ANK3: variants seen among roughly 807,000 people sequenced by gnomAD.
ANK3 encodes the protein ankyrin 3, also known as ankyrin-3.
In ANK3, 57 loss-of-function variants were observed where a neutral mutation model predicts 370.9. The ratio of observed to expected loss-of-function variants is 0.15; its 90% CI spans 0.12 to 0.19. The LOEUF (loss-of-function observed/expected upper bound fraction) is 0.19. Ranked by LOEUF, ANK3 falls within the 10% of genes least tolerant of loss-of-function variation. ANK3 has a pLI of 1.00. For synonymous variants in ANK3, 1,929 were observed against 1,946.3 expected (o/e 0.99, Z 0.23); for missense variants, 4,439 against 5,302.1 (o/e 0.84, Z 5.06).
intron 23 of ANK3, among the ~76,000 whole-genome samples, chr10:60,147,094 G>A (rs1399707398): frequency 2.6e-5 from 4 of 152,170 alleles, no homozygotes; most frequent in African/African-American, 9.7e-5. Context: ...GGTTTCCTGT[G>A]AATATTCTGA....
chr10:60,440,911 A>G (rs2064284485), intron 2 of ANK3, among the ~76,000 whole-genome samples: 1 of 152,182 alleles, frequency 6.6e-6, no homozygotes, highest in Admixed American at 6.5e-5. Flanking sequence ...ATGGAAAACT[A>G]AAAAAGGGTA....
At chr10:60,446,437 T>C (rs2133025776) in intron 2 of ANK3, among the ~76,000 whole-genome samples, 1 of 152,316 alleles carries the variant, frequency 6.6e-6, no homozygotes, top group South Asian at 2.1e-4. Flanking sequence ...CCCTTCCTCT[T>C]CATCTTTTTA....
In ANK3 at chr10:60,199,375, A is replaced by G. The variant is rs1220077767; in HGVS notation, c.1491+754T>C. Among the ~76,000 whole-genome samples the G allele has an allele frequency of 3.3e-5, 5 of 152,190 alleles. No individual in the cohort carries two copies. The East Asian group carries it at 9.6e-4, about 29-fold the overall frequency. On this transcript the variant is annotated intron_variant, in intron 13 of 43. Transcript: ENST00000280772. ...GGTCAATGTCAAAGTAAGAGGGGCT[A>G]TCTAACCAGTAGGAAGCATGAGGAG...
Position 60,240,301 on chromosome 10 carries a change from TATA to T in ANK3, c.799-5518_799-5516del, listed in dbSNP as rs1366602521. Among the ~76,000 whole-genome samples the T allele has an allele frequency of 2.2e-3, 221 of 99,580 alleles. 6 individuals are homozygous for T. The highest frequency in any genetic ancestry group is 5.7e-3 in the African/African-American group (161 of 28,010). The allele number at this position is 99,580 out of a possible 152,430, so 65.3% of individuals were successfully genotyped here. On this transcript the variant is annotated intron_variant, in intron 7 of 43. Coordinates refer to ENST00000280772, the MANE Select transcript of ANK3 (RefSeq NM_020987.5). Reference sequence around the variant, plus strand: ...ACACACATATATATATATATATATATATATATTTTTTTTTCTTTTTGAGATAGA... The same window carrying T: ...ACACACATATATATATATATATATATTATTTTTTTTTCTTTTTGAGATAGA...
At chr10:60,084,580 C>T (rs1447256011) in intron 32 of ANK3, 22 bp downstream of exon 32, 1 of 1,597,282 alleles carries the variant, frequency 6.3e-7, no homozygotes, top group Non-Finnish European at 8.6e-7. Context: ...ATGAAATGAA[C>T]TTGTTTTTGT....
intron 1 of ANK3, among the ~76,000 whole-genome samples, chr10:60,699,900 T>C (rs1175259624): frequency 1.3e-5 from 2 of 152,160 alleles, no homozygotes; most frequent in Non-Finnish European, 2.9e-5. Context: ...TTTAAATTCG[T>C]GATACAAATG....
chr10:60,362,745 T>C (rs1012344044), intron 1 of ANK3, among the ~76,000 whole-genome samples: 2 of 152,064 alleles, frequency 1.3e-5, no homozygotes, highest in Admixed American at 6.5e-5. Flanking sequence ...ATTGATTCAT[T>C]TCTTAGCAAA....
intron 18 of ANK3, among the ~76,000 whole-genome samples, chr10:60,177,640 C>T (rs1173959943): frequency 7.9e-6 from 1 of 127,202 alleles, no homozygotes; most frequent in Non-Finnish European, 1.6e-5. Flanking sequence ...CTCTGTCGCC[C>T]AGGCTGGAGT....
intron 7 of ANK3, among the ~76,000 whole-genome samples, chr10:60,252,531 C>T (rs1014068419): frequency 5.9e-5 from 9 of 152,132 alleles, no homozygotes; most frequent in African/African-American, 1.4e-4. Context: ...GGATTTTTTT[C>T]GGGTCATTTA....
intron 1 of ANK3, among the ~76,000 whole-genome samples, chr10:60,643,279 G>T (rs1371175317): frequency 6.6e-6 from 1 of 152,148 alleles, no homozygotes; most frequent in East Asian, 1.9e-4. Flanking sequence ...CTAATCAGCT[G>T]CCAGCACAGC....
At chr10:60,424,287 C>A (rs890973823) in intron 2 of ANK3, among the ~76,000 whole-genome samples, 1 of 151,934 alleles carries the variant, frequency 6.6e-6, no homozygotes, top group Non-Finnish European at 1.5e-5. Flanking sequence ...TCTCATTATA[C>A]TGAGAGTCTA....
intron 1 of ANK3, among the ~76,000 whole-genome samples, chr10:60,625,101 C>T (rs762214660): frequency 7.9e-5 from 12 of 152,060 alleles, no homozygotes; most frequent in African/African-American, 2.7e-4. Flanking sequence ...AGAGGACTGG[C>T]GGGCCCTGCT....
intron 1 of ANK3, among the ~76,000 whole-genome samples, chr10:60,713,260 C>G (rs1299714453): frequency 6.6e-6 from 1 of 152,090 alleles, no homozygotes; most frequent in East Asian, 1.9e-4. Flanking sequence ...AAAGTATGCT[C>G]TCACACCACA....
chr10:60,552,246 G>C (rs1041799423), intron 2 of ANK3, among the ~76,000 whole-genome samples: 2 of 152,158 alleles, frequency 1.3e-5, no homozygotes, highest in African/African-American at 4.8e-5. Context: ...TCTACAATTA[G>C]AAATAGGAGT....
Position 60,118,796 on chromosome 10 carries a change from AAATT to A in ANK3, c.2842-4469_2842-4466del, listed in dbSNP as rs538441434. On this transcript the variant is annotated intron_variant, in intron 25 of 43. Coordinates refer to ENST00000280772, the MANE Select transcript of ANK3 (RefSeq NM_020987.5). ...ATCATTCCTCTTTGGTAATTACAGTAAATTATTTACCTTTGGTACTCTTAGAAAC... is the reference window on the plus strand; with the variant it reads ...ATCATTCCTCTTTGGTAATTACAGTAATTTACCTTTGGTACTCTTAGAAAC... 2.7e-3 allele frequency among the ~76,000 whole-genome samples: 409 copies of A among 152,342 alleles called. 2 individuals are homozygous for A. Among genetic ancestry groups the A allele is most frequent in the African/African-American group, 9.4e-3 (392 of 41,580 alleles).
chr10:60,312,344 C>T (rs117579984), intron 1 of ANK3, among the ~76,000 whole-genome samples: 2,684 of 152,310 alleles, frequency 0.018, 38 homozygotes, highest in Non-Finnish European at 0.028. Context: ...TGGATGGTGA[C>T]TGGCACAGGG....
At chr10:60,445,679 A>C (rs1329983826) in intron 2 of ANK3, among the ~76,000 whole-genome samples, 1 of 152,204 alleles carries the variant, frequency 6.6e-6, no homozygotes, top group African/African-American at 2.4e-5. Context: ...AACAGTTTTA[A>C]ACAAGAATTT....
intron 2 of ANK3, chr10:60,507,774 T>C (rs1243218677): frequency 6.6e-6 from 1 of 152,024 alleles, no homozygotes; most frequent in Non-Finnish European, 1.5e-5. Context: ...ATTAAAAGGA[T>C]TTAGCTATAA....
intron 23 of ANK3, chr10:60,145,927 T>C: frequency 1.4e-6 from 1 of 716,730 alleles, no homozygotes; most frequent in Non-Finnish European, 2.5e-6. Flanking sequence ...CCTTTCAAAA[T>C]GGGAACTATA....
Sources: allele counts gnomAD v4.1 joint callset (sites outside exome capture counted in the v4.1 genomes callset), GRCh38; gene constraint gnomAD v4.1.1; transcripts MANE v1.5; gene names NCBI Gene and HGNC (gene_info 2026-07-23, HGNC 2026-07-21).